Variants in RPS6KA5 observed in about 807,000 individuals in gnomAD.
RPS6KA5 encodes the protein ribosomal protein S6 kinase A5.
Under a neutral mutation model 85.5 loss-of-function variants are expected in RPS6KA5, and 27 were observed. That is an observed-to-expected ratio of 0.32 (90% CI 0.23 to 0.44). RPS6KA5 has a LOEUF of 0.44. RPS6KA5 is among the 20% of genes least tolerant of loss of function. The pLI, the probability that RPS6KA5 is intolerant of heterozygous loss-of-function variation, is 1.00. For missense variants in RPS6KA5, 811 were observed against 980.9 expected, an observed-to-expected ratio of 0.83 and a Z score of 2.31; for synonymous variants, 334 against 348.2, an observed-to-expected ratio of 0.96 and a Z score of 0.46.
At chr14:90,917,679 T>C (rs1358012892) in intron 7 of RPS6KA5, among the ~76,000 whole-genome samples, 1 of 152,158 alleles carries the variant, frequency 6.6e-6, no homozygotes, top group East Asian at 1.9e-4. Context: ...CTTCTTTCAC[T>C]TGGTGTAATT....
At chr14:90,874,789 T>G (rs750342563) in intron 15 of RPS6KA5, among the ~76,000 whole-genome samples, 4 of 152,112 alleles carry the variant, frequency 2.6e-5, no homozygotes, top group Non-Finnish European at 5.9e-5. Flanking sequence ...CTGCTGAATG[T>G]GTAGAACTCT....
chr14:90,893,129 A>T (rs2034650311), intron 13 of RPS6KA5, among the ~76,000 whole-genome samples: 1 of 152,226 alleles, frequency 6.6e-6, no homozygotes, highest in Admixed American at 6.5e-5. Flanking sequence ...CATGGAACAG[A>T]TCTTTTCAAT....
intron 1 of RPS6KA5, among the ~76,000 whole-genome samples, chr14:91,047,367 C>A (rs2042917007): frequency 6.6e-6 from 1 of 152,148 alleles, no homozygotes; most frequent in Admixed American, 6.5e-5. Context: ...TGCTCAGCCA[C>A]CCACTTCAGA....
intron 3 of RPS6KA5, among the ~76,000 whole-genome samples, chr14:90,974,585 C>T (rs1466787775): frequency 6.6e-6 from 1 of 152,224 alleles, no homozygotes; most frequent in African/African-American, 2.4e-5. Flanking sequence ...TCCACTTTTG[C>T]CCTCTTGGCA....
chr14:91,015,658 T>C (rs1439931439), intron 1 of RPS6KA5, among the ~76,000 whole-genome samples: 2 of 152,190 alleles, frequency 1.3e-5, no homozygotes, highest in Non-Finnish European at 2.9e-5. Flanking sequence ...CCTTTTCCTT[T>C]TTCTGTTTTC....
At chr14:90,885,768 A>AAAAAAAAAAAAAAAAAAG (rs1566690721) in intron 14 of RPS6KA5, among the ~76,000 whole-genome samples, 1 of 140,180 alleles carries the variant, frequency 7.1e-6, no homozygotes, top group African/African-American at 2.7e-5. Flanking sequence ...AAAAAAAAAA[A>AAAAAAAAAAAAAAAAAAG]AAAAAGAAAA....
chr14:90,894,686 TC>T, intron 12 of RPS6KA5, 103 bp from the exon 13 acceptor site: 3 of 1,298,484 alleles, frequency 2.3e-6, no homozygotes, highest in Non-Finnish European at 3.1e-6. Context: ...GTTTAAATAA[TC>T]CCCTGTTAAA....
At chr14:90,876,513 G>C (rs960355223) in intron 14 of RPS6KA5, among the ~76,000 whole-genome samples, 3 of 152,190 alleles carry the variant, frequency 2.0e-5, no homozygotes, top group Non-Finnish European at 4.4e-5. Flanking sequence ...AACAAGCCAA[G>C]GCTTATCTTT....
intron 6 of RPS6KA5, among the ~76,000 whole-genome samples, chr14:90,920,541 A>T (rs1434606445): frequency 6.6e-6 from 1 of 152,104 alleles, no homozygotes; most frequent in African/African-American, 2.4e-5. Flanking sequence ...GTAACCGTTT[A>T]CCTTGATAAT....
chr14:90,864,037 T>C lies in RPS6KA5; in HGVS notation c.*8037A>G, dbSNP rs2032695173. ...AATACATTGTGCTGGGTCAAGTTAA[T>C]ACTCATATGGAAATACATAAACTTT... On this transcript the variant is annotated 3_prime_UTR_variant, in exon 17 of 17. Transcript: ENST00000614987. 1 of 152,254 alleles carries C rather than the reference T, an allele frequency of 6.6e-6. No homozygotes were observed. Among genetic ancestry groups the C allele is most frequent in the Non-Finnish European group, 1.5e-5 (1 of 68,040 alleles). 9.4% of individuals were successfully genotyped at this position (152,254 alleles called of 1,614,324 possible).
intron 3 of RPS6KA5, among the ~76,000 whole-genome samples, chr14:90,950,730 T>TA (rs2038130467): frequency 6.6e-6 from 1 of 152,248 alleles, no homozygotes; most frequent in South Asian, 2.1e-4. Flanking sequence ...ACTACTGTGA[T>TA]AGATTCCACT....
chr14:90,908,804 TGA>T (rs1335790177), intron 7 of RPS6KA5, among the ~76,000 whole-genome samples: 1 of 152,178 alleles, frequency 6.6e-6, no homozygotes, highest in Non-Finnish European at 1.5e-5. Flanking sequence ...GCATCTGGAC[TGA>T]GAGGTGTGAG....
intron 2 of RPS6KA5, among the ~76,000 whole-genome samples, chr14:90,981,822 A>C (rs2039801444): frequency 6.6e-6 from 1 of 152,276 alleles, no homozygotes; most frequent in Non-Finnish European, 1.5e-5. Context: ...TCCAAACAAT[A>C]AGTATTTCAG....
chr14:91,005,159 A>G (rs1318622231), intron 1 of RPS6KA5, among the ~76,000 whole-genome samples: 1 of 152,152 alleles, frequency 6.6e-6, no homozygotes, highest in Non-Finnish European at 1.5e-5. Context: ...ATCATGCAAT[A>G]CATAGTTTCT....
intron 3 of RPS6KA5, among the ~76,000 whole-genome samples, chr14:90,970,375 G>A (rs2039262367): frequency 6.6e-6 from 1 of 152,124 alleles, no homozygotes; most frequent in South Asian, 2.1e-4. Flanking sequence ...TTATTGAGAT[G>A]AAACCAATAC....
intron 1 of RPS6KA5, among the ~76,000 whole-genome samples, chr14:91,044,262 GGAGAGAGAGAGAAAGAAA>G (rs71117401): frequency 0.7 from 92,977 of 133,066 alleles, 32,313 homozygotes; most frequent in East Asian, 0.86. Flanking sequence ...AGAGAGAGAG[GGAGAGAGAGAGAAAGAAA>G]GAGAGAGAGA....
chr14:90,947,463 A>G lies in RPS6KA5; in HGVS notation c.482T>C (p.Ile161Thr), dbSNP rs1566778089. 5.0e-6 allele frequency: 8 copies of G among 1,611,034 alleles called. No individual in the cohort carries two copies. The highest frequency in any genetic ancestry group is 6.8e-6 in the Non-Finnish European group (8 of 1,177,402). ...EHEVQIYVGEIVLALEHLHKL... is the reference protein window; with the variant it reads ...EHEVQIYVGETVLALEHLHKL... ...GTGGAGATGTTCGAGGGCAAGCACA[A>G]TCTCTCCAACATAAATCTGCACCTC... Residue 161 changes from isoleucine to threonine, a missense_variant, in exon 4 of 17, where the codon ATT becomes ACT. By Grantham distance (89) the Ile-to-Thr change is moderately conservative (BLOSUM62 -1). Transcript: ENST00000614987.
At chr14:91,047,531 G>A (rs1414901794) in intron 1 of RPS6KA5, among the ~76,000 whole-genome samples, 1 of 152,204 alleles carries the variant, frequency 6.6e-6, no homozygotes. Context: ...TGGCAAAACA[G>A]TTGTTTAAAT....
intron 3 of RPS6KA5, among the ~76,000 whole-genome samples, chr14:90,963,600 T>C (rs2038915055): frequency 6.6e-6 from 1 of 152,208 alleles, no homozygotes; most frequent in Non-Finnish European, 1.5e-5. Context: ...CAAGATGTTC[T>C]AGTTTCATCT....
Sources: gnomAD v4.1 joint callset for allele counts (sites outside exome capture counted in the v4.1 genomes callset) on GRCh38, gnomAD v4.1.1 for gene constraint, MANE v1.5 for transcripts, NCBI Gene and HGNC (gene_info 2026-07-23, HGNC 2026-07-21) for gene names.